The following PCDHGA12 variants were observed in gnomAD, a reference collection of about 807,000 sequenced individuals.
The protein encoded by PCDHGA12 is protocadherin gamma-A12.
In PCDHGA12, 43 loss-of-function variants were observed where a neutral mutation model predicts 61.1. The observed-to-expected ratio is 0.70, with a 90% CI of 0.55 to 0.91. PCDHGA12 has a LOEUF of 0.91. Ranked by LOEUF, PCDHGA12 falls within the 40% of genes least tolerant of loss-of-function variation. The pLI is 0.00. For missense variants in PCDHGA12, 1,236 were observed against 1,227.7 expected (o/e 1.01, Z -0.10); for synonymous variants, 520 against 542.9 (o/e 0.96, Z 0.59).
At chr5:141,435,214 A>C (rs1314928643) in intron 1 of PCDHGA12, among the ~76,000 whole-genome samples, 1 of 152,176 alleles carries the variant, frequency 6.6e-6, no homozygotes, top group Non-Finnish European at 1.5e-5. Flanking sequence ...AAGTGAATTT[A>C]CTTTCTTTCA....
Position 141,491,623 on chromosome 5 carries a change from G to T in PCDHGA12, c.2425-3184G>T. 1 of 1,613,930 alleles carries T rather than the reference G, an allele frequency of 6.2e-7. No homozygotes were observed. The highest frequency in any genetic ancestry group is 1.1e-5 in the South Asian group (1 of 91,084). On this transcript the variant is annotated intron_variant, in intron 1 of 3. Transcript: ENST00000252085. This position sits in a 1 kb window ranked among gnomAD's most constrained non-coding sequence, Gnocchi z 6.9. ...CTTCACTTTTCTAAGACCCCTCAGC[G>T]TTCAGCAGCCCACAGCTCTGGCGCT...
At position 141,511,855 on chromosome 5, in the gene PCDHGA12, ATTGT is replaced by A. The variant is rs2099883980; in HGVS notation, c.*686_*689del. ...GGACCAGTCTTCTGTTTTGTTTTTCATTGTTTGACGTTTCCACTGCATGCCTTGA... is the reference window on the plus strand; with the variant it reads ...GGACCAGTCTTCTGTTTTGTTTTTCATTGACGTTTCCACTGCATGCCTTGA... On this transcript the variant is annotated 3_prime_UTR_variant, in exon 4 of 4. Coordinates refer to ENST00000252085, the MANE Select transcript of PCDHGA12 (RefSeq NM_003735.3). 1 of 156,316 alleles carries A rather than the reference ATTGT, an allele frequency of 6.4e-6. No individual in the cohort carries two copies. Among genetic ancestry groups the A allele is most frequent in the South Asian group, 2.0e-4 (1 of 5,082 alleles). The allele number at this position is 156,316 out of a possible 1,614,324, so 9.7% of individuals were successfully genotyped here.
intron 3 of PCDHGA12, among the ~76,000 whole-genome samples, chr5:141,506,444 CA>C (rs1219684339): frequency 0.54 from 51,660 of 95,006 alleles, 10,715 homozygotes; most frequent in African/African-American, 0.61. Context: ...CGCTCTGTCT[CA>C]AAAAAAAAAA....
intron 1 of PCDHGA12, among the ~76,000 whole-genome samples, chr5:141,437,156 G>A (rs2097864365): frequency 6.6e-6 from 1 of 152,172 alleles, no homozygotes. Flanking sequence ...TAACATATGT[G>A]TTGATTGTTT....
At chr5:141,483,222 C>A (rs1011389295) in intron 1 of PCDHGA12, among the ~76,000 whole-genome samples, 4 of 152,078 alleles carry the variant, frequency 2.6e-5, no homozygotes, top group African/African-American at 9.7e-5. Context: ...ACAGTCACTG[C>A]AGAAATTTGA....
intron 1 of PCDHGA12, among the ~76,000 whole-genome samples, chr5:141,459,014 T>C (rs1429233660): frequency 6.6e-6 from 1 of 152,240 alleles, no homozygotes; most frequent in East Asian, 1.9e-4. Context: ...ATTACAGGCA[T>C]GAGCCACCAC....
chr5:141,478,671 A>G (rs996413401), intron 1 of PCDHGA12: 19 of 1,551,538 alleles, frequency 1.2e-5, no homozygotes, highest in Non-Finnish European at 1.7e-5. Context: ...TCACACTTTC[A>G]ACTGGCCCTT....
At position 141,432,307 on chromosome 5, in the gene PCDHGA12, G is replaced by A. The variant is rs2097484688; in HGVS notation, c.1548G>A (p.Ala516=). The change falls in exon 1 of 4, where the codon GCG becomes GCA. Residue 516 remains alanine (A), a synonymous_variant. Transcript: ENST00000252085. The surrounding 1 kb of genome is among the most constrained non-coding windows in gnomAD (Gnocchi z 6.0). ...ACTCCGACACTGGGGTACTGTATGC[G>A]CTGAGCTCCTTCGACTACGAGCAGT... ...SINSDTGVLY[A]LSSFDYEQFR... is the part of the protein sequence containing the mutation. The A allele has an allele frequency of 5.0e-6, 8 of 1,614,240 alleles. No individual in the cohort carries two copies. Among genetic ancestry groups the A allele is most frequent in the South Asian group, 1.1e-5 (1 of 91,086 alleles).
At chr5:141,482,901 A>T (rs192886570) in intron 1 of PCDHGA12, among the ~76,000 whole-genome samples, 2 of 152,240 alleles carry the variant, frequency 1.3e-5, no homozygotes, top group African/African-American at 4.8e-5. Flanking sequence ...GTGAAACCTC[A>T]TCTCTATTAA....
intron 2 of PCDHGA12, among the ~76,000 whole-genome samples, chr5:141,504,713 G>A (rs1443171981): frequency 1.3e-5 from 2 of 151,850 alleles, no homozygotes; most frequent in African/African-American, 2.4e-5. Context: ...TATGGCCGTG[G>A]ATTTTACTCT....
chr5:141,439,889 C>T (rs997306014), intron 1 of PCDHGA12: 1 of 152,348 alleles, frequency 6.6e-6, no homozygotes, highest in Admixed American at 6.5e-5. Context: ...CTGGGTAGAA[C>T]CAAGGCGACT....
In PCDHGA12 at chr5:141,491,727, G is replaced by C; in HGVS notation, c.2425-3080G>C. On this transcript the variant is annotated intron_variant, in intron 1 of 3. Transcript: ENST00000252085. This position sits in a 1 kb window ranked among gnomAD's most constrained non-coding sequence, Gnocchi z 6.9. ...TGAGGGGCTCGGCGCCGCCCCGGGC[G>C]ACCCCTGGGGGCGGCACTGGAGAAG... 6.2e-7 allele frequency: 1 copy of C among 1,604,916 alleles called. No individual in the cohort carries two copies. The highest frequency in any genetic ancestry group is 8.5e-7 in the Non-Finnish European group (1 of 1,176,284).
intron 2 of PCDHGA12, among the ~76,000 whole-genome samples, chr5:141,501,286 C>T (rs2099806802): frequency 8.9e-6 from 1 of 112,422 alleles, no homozygotes; most frequent in African/African-American, 3.5e-5. Context: ...GGGATATTCC[C>T]TTATACACAC....
At position 141,432,185 on chromosome 5, in the gene PCDHGA12, G is replaced by A. The variant is rs376661062; in HGVS notation, c.1426G>A (p.Ala476Thr). 8.1e-6 allele frequency: 13 copies of A among 1,613,956 alleles called. No individual in the cohort carries two copies. The African/African-American group carries it at 1.3e-4, about 17-fold the overall frequency. Residue 476 changes from alanine to threonine, a missense_variant, in exon 1 of 4, where the codon GCC (alanine) becomes ACC (threonine). Transcript: ENST00000252085. This position sits in a 1 kb window ranked among gnomAD's most constrained non-coding sequence, Gnocchi z 6.0. ...AGGAGTTTCCCTCGTCTCTGTGACC[G>A]CCCACGACCCCGACTGTGAAGAGAA... The part of the protein sequence containing the change: ...PRGVSLVSVT[A>T]HDPDCEENAQ...
intron 1 of PCDHGA12, among the ~76,000 whole-genome samples, chr5:141,482,488 G>C (rs1401943298): frequency 7.7e-6 from 1 of 130,410 alleles, no homozygotes; most frequent in African/African-American, 3.1e-5. Context: ...ACAATTAAAA[G>C]TTATCATTCT....
chr5:141,489,246 G>A lies in PCDHGA12; in HGVS notation c.2425-5561G>A, dbSNP rs141115698. On this transcript the variant is annotated intron_variant, in intron 1 of 3. Coordinates refer to ENST00000252085, the MANE Select transcript of PCDHGA12 (RefSeq NM_003735.3). The surrounding 1 kb of genome is among the most constrained non-coding windows in gnomAD (Gnocchi z 4.5). Reference sequence around the variant, plus strand: ...CACAAAGGGACTTCTGGGTCATGGGGCCCAAGACACTCCCACAGCTCGCTG... The same window carrying A: ...CACAAAGGGACTTCTGGGTCATGGGACCCAAGACACTCCCACAGCTCGCTG... 750 of 1,544,746 alleles carry A rather than the reference G, an allele frequency of 4.9e-4. No homozygotes were observed. The highest frequency in any genetic ancestry group is 6.3e-4 in the Non-Finnish European group (726 of 1,145,538).
intron 1 of PCDHGA12, among the ~76,000 whole-genome samples, chr5:141,449,549 A>G (rs1431239786): frequency 6.8e-6 from 1 of 147,830 alleles, no homozygotes; most frequent in East Asian, 2.0e-4. Context: ...AGATCGCACC[A>G]CTGCACTCCA....
Position 141,431,601 on chromosome 5 carries a change from T to G in PCDHGA12, c.842T>G (p.Phe281Cys). 1 of 1,614,202 alleles carries G rather than the reference T, an allele frequency of 6.2e-7. No homozygotes were observed. Among genetic ancestry groups the G allele is most frequent in the Non-Finnish European group, 8.5e-7 (1 of 1,180,032 alleles). The change falls in exon 1 of 4, where the codon TTC becomes TGC. Residue 281 changes from phenylalanine (F) to cysteine (C), a missense_variant. Transcript: ENST00000252085. The surrounding 1 kb of genome is among the most constrained non-coding windows in gnomAD (Gnocchi z 4.8). Reference protein sequence around the residue: ...EGVNAEVRYSFRYVDDKAAQV... With the variant: ...EGVNAEVRYSCRYVDDKAAQV... Reference sequence around the variant, plus strand: ...GTCAATGCGGAAGTGAGGTATTCCTTCCGGTATGTGGACGACAAGGCGGCC... The same window carrying G: ...GTCAATGCGGAAGTGAGGTATTCCTGCCGGTATGTGGACGACAAGGCGGCC...
chr5:141,466,206 T>C (rs2099118813), intron 1 of PCDHGA12, among the ~76,000 whole-genome samples: 1 of 152,126 alleles, frequency 6.6e-6, no homozygotes, highest in Admixed American at 6.5e-5. Flanking sequence ...AGCCTTGCTC[T>C]GTTACCCAGG....
Sources: allele counts gnomAD v4.1 joint callset (sites outside exome capture counted in the v4.1 genomes callset), GRCh38; gene constraint gnomAD v4.1.1; non-coding constraint Gnocchi (gnomAD v3.1); transcripts MANE v1.5; gene names NCBI Gene and HGNC (gene_info 2026-07-23, HGNC 2026-07-21).